The following ZNF385D variants were observed in gnomAD, a reference collection of about 807,000 sequenced individuals.
ZNF385D encodes zinc finger protein 659.
In ZNF385D, 15 loss-of-function variants were observed where a neutral mutation model predicts 35.8. The observed-to-expected ratio is 0.42, with a 90% CI of 0.28 to 0.64. The LOEUF is 0.64. Ranked by LOEUF, ZNF385D falls within the 30% of genes least tolerant of loss-of-function variation. ZNF385D has a pLI of 0.23. For synonymous variants in ZNF385D, 212 were observed against 186.8 expected, an observed-to-expected ratio of 1.13 and a Z score of -1.10; for missense variants, 474 against 494.6, an observed-to-expected ratio of 0.96 and a Z score of 0.39.
intron 3 of ZNF385D, among the ~76,000 whole-genome samples, chr3:21,969,675 C>T (rs1442890691): frequency 6.6e-6 from 1 of 152,108 alleles, no homozygotes. Flanking sequence ...TCACCATCTG[C>T]TTATTGTAGG....
intron 3 of ZNF385D, among the ~76,000 whole-genome samples, chr3:21,812,155 A>C (rs2072948227): frequency 6.6e-6 from 1 of 152,216 alleles, no homozygotes; most frequent in Non-Finnish European, 1.5e-5. Context: ...AAATAATTTG[A>C]TTTCCTCAAT....
chr3:21,981,091 G>A (rs1432205944), intron 3 of ZNF385D, among the ~76,000 whole-genome samples: 2 of 152,084 alleles, frequency 1.3e-5, no homozygotes, highest in Non-Finnish European at 1.5e-5. Context: ...ATAATAATAG[G>A]ACTGCTGGGT....
intron 3 of ZNF385D, among the ~76,000 whole-genome samples, chr3:21,859,079 T>G (rs749618552): frequency 1.6e-4 from 24 of 152,026 alleles, no homozygotes; most frequent in Non-Finnish European, 3.1e-4. Context: ...AGCTTTCATA[T>G]CTGAGGTTTG....
intron 3 of ZNF385D, among the ~76,000 whole-genome samples, chr3:21,982,110 A>G (rs115848269): frequency 0.11 from 15,940 of 149,508 alleles, 1,155 homozygotes; most frequent in South Asian, 0.26. Context: ...TTCTGTGAAG[A>G]ACATCACTGG....
At chr3:22,131,976 T>G (rs1294013397) in intron 3 of ZNF385D, among the ~76,000 whole-genome samples, 1 of 152,186 alleles carries the variant, frequency 6.6e-6, no homozygotes, top group Non-Finnish European at 1.5e-5. Flanking sequence ...ATATTAAGTA[T>G]GTTCACCTGT....
At chr3:21,936,906 C>T (rs1225293969) in intron 3 of ZNF385D, among the ~76,000 whole-genome samples, 1 of 152,076 alleles carries the variant, frequency 6.6e-6, no homozygotes, top group Admixed American at 6.6e-5. Context: ...CAGTGAATTG[C>T]TAAATTTAAA....
chr3:21,895,216 A>T (rs1200615630), intron 3 of ZNF385D, among the ~76,000 whole-genome samples: 1 of 151,660 alleles, frequency 6.6e-6, no homozygotes, highest in African/African-American at 2.4e-5. Flanking sequence ...GGTAAGAGCT[A>T]AGTATATTCA....
chr3:21,659,715 T>G (rs2066178543), intron 2 of ZNF385D, among the ~76,000 whole-genome samples: 1 of 152,146 alleles, frequency 6.6e-6, no homozygotes, highest in South Asian at 2.1e-4. Flanking sequence ...GTTTGCTAGT[T>G]TCACTACTGA....
chr3:22,080,475 A>G (rs1243374836), intron 3 of ZNF385D, among the ~76,000 whole-genome samples: 1 of 152,150 alleles, frequency 6.6e-6, no homozygotes, highest in Non-Finnish European at 1.5e-5. Flanking sequence ...GAAGGAAACT[A>G]AAATCATATA....
chr3:21,873,510 C>T (rs1697802564), intron 3 of ZNF385D, among the ~76,000 whole-genome samples: 2 of 152,124 alleles, frequency 1.3e-5, no homozygotes, highest in South Asian at 4.1e-4. Flanking sequence ...TGATATCCAC[C>T]TTCTTTCCTT....
At chr3:22,220,046 T>C (rs1682295059) in intron 2 of ZNF385D, among the ~76,000 whole-genome samples, 1 of 151,904 alleles carries the variant, frequency 6.6e-6, no homozygotes, top group Admixed American at 6.6e-5. Flanking sequence ...TGATTACTTC[T>C]ATTTTCTTTC....
At chr3:22,225,302 C>G (rs1332586142) in intron 2 of ZNF385D, among the ~76,000 whole-genome samples, 2 of 152,162 alleles carry the variant, frequency 1.3e-5, no homozygotes, top group African/African-American at 2.4e-5. Flanking sequence ...TCACTGAGCA[C>G]TAGCCTGAGG....
chr3:22,022,967 T>C (rs555661966), intron 3 of ZNF385D, among the ~76,000 whole-genome samples: 1 of 152,072 alleles, frequency 6.6e-6, no homozygotes, highest in Non-Finnish European at 1.5e-5. Flanking sequence ...AAAATAAAAA[T>C]TGGGAGTCTA....
intron 2 of ZNF385D, among the ~76,000 whole-genome samples, chr3:21,651,293 A>G: frequency 6.7e-6 from 1 of 149,880 alleles, no homozygotes; most frequent in Non-Finnish European, 1.5e-5. Context: ...ATCTCAAAAA[A>G]AAAAAAAAAA....
At chr3:21,966,669 C>T (rs1243948304) in intron 3 of ZNF385D, among the ~76,000 whole-genome samples, 2 of 152,274 alleles carry the variant, frequency 1.3e-5, no homozygotes, top group Non-Finnish European at 1.5e-5. Context: ...ACAATCTCTG[C>T]CTCCCGGGTT....
At chr3:21,972,857 A>G (rs1703351371) in intron 3 of ZNF385D, among the ~76,000 whole-genome samples, 1 of 151,984 alleles carries the variant, frequency 6.6e-6, no homozygotes, top group Non-Finnish European at 1.5e-5. Context: ...CAATCTACTA[A>G]GATTGAACCG....
intron 3 of ZNF385D, among the ~76,000 whole-genome samples, chr3:22,058,390 C>T (rs1166998425): frequency 1.3e-5 from 2 of 152,158 alleles, no homozygotes; most frequent in African/African-American, 4.8e-5. Flanking sequence ...AGGATAGAAC[C>T]CTATTGTTTA....
chr3:21,911,752 A>G (rs1254068073), intron 3 of ZNF385D, among the ~76,000 whole-genome samples: 1 of 151,956 alleles, frequency 6.6e-6, no homozygotes, highest in African/African-American at 2.4e-5. Flanking sequence ...TGAGAGAGAT[A>G]TTAGGGATTT....
At chr3:21,963,121 C>T (rs997974197) in intron 3 of ZNF385D, among the ~76,000 whole-genome samples, 7 of 152,166 alleles carry the variant, frequency 4.6e-5, no homozygotes. Context: ...AAATTTAATA[C>T]AATTTTCCTG....
Sources: allele counts gnomAD v4.1 joint callset (sites outside exome capture counted in the v4.1 genomes callset), GRCh38; gene constraint gnomAD v4.1.1; transcripts MANE v1.5; gene names NCBI Gene and HGNC (gene_info 2026-07-23, HGNC 2026-07-21).